The following RBM20 variants were observed in gnomAD, a reference collection of about 807,000 sequenced individuals.
RBM20 encodes the protein RNA binding motif protein 20, also known as RNA-binding protein 20.
RBM20 carries 51 observed loss-of-function variants against 110.1 expected under a neutral mutation model. That is an observed-to-expected ratio of 0.46 (90% CI 0.37 to 0.59). The LOEUF (loss-of-function observed/expected upper bound fraction) is 0.59, where lower values mean the gene tolerates loss of function less well. Ranked by LOEUF, RBM20 falls within the 20% of genes least tolerant of loss-of-function variation. RBM20 has a pLI of 0.00. For missense variants in RBM20, 1,512 were observed against 1,574.9 expected (o/e 0.96, Z 0.68); for synonymous variants, 589 against 618.2 (o/e 0.95, Z 0.70).
At position 110,823,568 on chromosome 10, in the gene RBM20, C is replaced by G. The variant is rs887678842; in HGVS notation, c.3405C>G (p.Pro1135=). ...EVELKQPLSL[P]SWEPEDVFSE... ...AACTGAAACAGCCCCTTTCTTTGCC[C>G]TCTTGGGAACCAGAGGATGTGTTCA... is the stretch of plus-strand genomic sequence containing the variant. Residue 1135 remains proline, a synonymous_variant, in exon 12 of 14, where the codon CCC becomes CCG. Coordinates refer to ENST00000369519, the MANE Select transcript of RBM20 (RefSeq NM_001134363.3). The G allele has an allele frequency of 1.3e-6, 2 of 1,550,978 alleles. No homozygotes were observed. The highest frequency in any genetic ancestry group is 1.2e-5 in the South Asian group (1 of 84,026).
At chr10:110,726,958 T>G (rs1843566624) in intron 1 of RBM20, among the ~76,000 whole-genome samples, 2 of 152,082 alleles carry the variant, frequency 1.3e-5, no homozygotes, top group South Asian at 4.1e-4. Context: ...GCAATTCTCC[T>G]GCCTCAGCCT....
At chr10:110,820,316 C>T (rs577630555) in intron 10 of RBM20, 140 bp downstream of exon 10, 3 of 590,092 alleles carry the variant, frequency 5.1e-6, no homozygotes, top group Non-Finnish European at 6.0e-6. Flanking sequence ...GTCCTCCTAG[C>T]GCTACTTTGG....
At chr10:110,769,778 T>G (rs7899252) in intron 1 of RBM20, among the ~76,000 whole-genome samples, 130,429 of 151,634 alleles carry the variant, frequency 0.86, 56,556 homozygotes, top group Non-Finnish European at 0.91. Flanking sequence ...GAGTGCAGTG[T>G]TGGTATCATA....
intron 1 of RBM20, among the ~76,000 whole-genome samples, chr10:110,686,436 C>A (rs1862505863): frequency 6.6e-6 from 1 of 151,934 alleles, no homozygotes; most frequent in Admixed American, 6.6e-5. Flanking sequence ...GTCTGAAGCC[C>A]AGTTAAAACT....
chr10:110,785,295 C>T (rs1390833618), intron 5 of RBM20, among the ~76,000 whole-genome samples: 1 of 152,142 alleles, frequency 6.6e-6, no homozygotes, highest in Non-Finnish European at 1.5e-5. Context: ...TGGTACCCTT[C>T]AATTTTCCAC....
At chr10:110,723,027 G>A (rs995597953) in intron 1 of RBM20, among the ~76,000 whole-genome samples, 2 of 151,622 alleles carry the variant, frequency 1.3e-5, no homozygotes, top group African/African-American at 4.8e-5. Context: ...CAGGAGAATT[G>A]CTTGAACCCA....
Position 110,780,971 on chromosome 10 carries a change from A to G in RBM20, c.362A>G (p.Asn121Ser), listed in dbSNP as rs1202155519. 1.9e-6 allele frequency: 3 copies of G among 1,551,688 alleles called. No individual in the cohort carries two copies. The highest frequency in any genetic ancestry group is 2.6e-6 in the Non-Finnish European group (3 of 1,146,978). Reference sequence around the variant, plus strand: ...AACACTGCAGCCGCCACAGTCCTGAACCAAGTCCTCTCCAAAGTGGCCATG... The same window carrying G: ...AACACTGCAGCCGCCACAGTCCTGAGCCAAGTCCTCTCCAAAGTGGCCATG... ...TNNTAAATVL[N>S]QVLSKVAMSQ... Residue 121 changes from asparagine to serine, a missense_variant, in exon 2 of 14, where the codon AAC becomes AGC. Physicochemically the swap from Asn to Ser is conservative, Grantham distance 46 (BLOSUM62 1). Coordinates refer to ENST00000369519, the MANE Select transcript of RBM20 (RefSeq NM_001134363.3).
intron 1 of RBM20, among the ~76,000 whole-genome samples, chr10:110,764,492 G>T (rs746114838): frequency 6.6e-6 from 1 of 152,298 alleles, no homozygotes; most frequent in Admixed American, 6.5e-5. Context: ...CATAAACATC[G>T]ACTGATATTG....
At position 110,696,056 on chromosome 10, in the gene RBM20, CCAAT is replaced by C. The variant is rs541348244; in HGVS notation, c.191+51414_191+51417del. On this transcript the variant is annotated intron_variant, in intron 1 of 13. Coordinates refer to ENST00000369519, the MANE Select transcript of RBM20 (RefSeq NM_001134363.3). Reference sequence around the variant, plus strand: ...CAAATTCTCAGGCCCTGTTCCAGAGCCAATCAGTCTCCTTAGTGGGCCCAGGAAT... The same window carrying C: ...CAAATTCTCAGGCCCTGTTCCAGAGCCAGTCTCCTTAGTGGGCCCAGGAAT... Among the ~76,000 whole-genome samples, 45 of 152,294 alleles carry C rather than the reference CCAAT, an allele frequency of 3.0e-4. 1 individual carries two copies. Among genetic ancestry groups the C allele is most frequent in the African/African-American group, 7.9e-4 (33 of 41,564 alleles).
intron 1 of RBM20, among the ~76,000 whole-genome samples, chr10:110,658,148 C>T (rs1260238535): frequency 1.3e-5 from 2 of 152,078 alleles, no homozygotes; most frequent in Non-Finnish European, 2.9e-5. Context: ...CTGAAAGAAA[C>T]CCTAAAAATC....
intron 1 of RBM20, among the ~76,000 whole-genome samples, chr10:110,682,259 C>T (rs1383205352): frequency 1.3e-5 from 2 of 152,142 alleles, no homozygotes; most frequent in African/African-American, 4.8e-5. Context: ...TGTCATGTCT[C>T]CATTAGCATC....
intron 1 of RBM20, among the ~76,000 whole-genome samples, chr10:110,695,283 G>T (rs1446583632): frequency 4.6e-5 from 7 of 152,338 alleles, no homozygotes; most frequent in Admixed American, 2.0e-4. Context: ...TTCCACAGGT[G>T]CAGAGGGCAT....
intron 7 of RBM20, among the ~76,000 whole-genome samples, chr10:110,801,601 T>C (rs1471267003): frequency 2.0e-5 from 3 of 151,892 alleles, no homozygotes; most frequent in Non-Finnish European, 4.4e-5. Flanking sequence ...GTGGTGCAAT[T>C]TTGGCTCACT....
At chr10:110,661,708 T>G (rs1200328705) in intron 1 of RBM20, among the ~76,000 whole-genome samples, 1 of 152,018 alleles carries the variant, frequency 6.6e-6, no homozygotes, top group Non-Finnish European at 1.5e-5. Context: ...GGGTGAGATT[T>G]GAGAGATGTT....
chr10:110,721,927 G>A (rs1843511518), intron 1 of RBM20, among the ~76,000 whole-genome samples: 1 of 149,170 alleles, frequency 6.7e-6, no homozygotes, highest in South Asian at 2.1e-4. Context: ...GGCATACTGG[G>A]GTGTCAGGGG....
At chr10:110,822,557 C>G in intron 11 of RBM20, 1 of 447,016 alleles carries the variant, frequency 2.2e-6, no homozygotes, top group Non-Finnish European at 4.5e-6. Flanking sequence ...CCCGTCTTCT[C>G]TGCCAAGTGG....
In RBM20 at chr10:110,781,003, C is replaced by T; in HGVS notation, c.394C>T (p.Pro132Ser). 1 of 1,551,868 alleles carries T rather than the reference C, an allele frequency of 6.4e-7. No homozygotes were observed. Among genetic ancestry groups the T allele is most frequent in the Non-Finnish European group, 8.7e-7 (1 of 1,147,040 alleles). Reference protein sequence around the residue: ...QVLSKVAMSQPLFNQLRHPSV... With the variant: ...QVLSKVAMSQSLFNQLRHPSV... Reference sequence around the variant, plus strand: ...CCTCTCCAAAGTGGCCATGTCCCAGCCTCTCTTCAATCAACTGAGGCATCC... The same window carrying T: ...CCTCTCCAAAGTGGCCATGTCCCAGTCTCTCTTCAATCAACTGAGGCATCC... The change falls in exon 2 of 14, where the codon CCT (proline) becomes TCT (serine). Residue 132 changes from proline (P) to serine (S), a missense_variant. Pro to Ser is a moderately conservative substitution (Grantham distance 74). Transcript: ENST00000369519.
chr10:110,665,048 T>C (rs1349950220), intron 1 of RBM20, among the ~76,000 whole-genome samples: 1 of 152,024 alleles, frequency 6.6e-6, no homozygotes, highest in East Asian at 1.9e-4. Context: ...GCTACTTTTT[T>C]TTTTCTTTTG....
intron 1 of RBM20, among the ~76,000 whole-genome samples, chr10:110,683,489 T>C (rs2134863681): frequency 6.6e-6 from 1 of 152,354 alleles, no homozygotes; most frequent in South Asian, 2.1e-4. Context: ...GTGGTTCCAG[T>C]TATTATCTCT....
Sources: allele counts gnomAD v4.1 joint callset (sites outside exome capture counted in the v4.1 genomes callset), GRCh38; gene constraint gnomAD v4.1.1; transcripts MANE v1.5; gene names NCBI Gene and HGNC (gene_info 2026-07-23, HGNC 2026-07-21).